Variants in PHACTR1 observed in about 807,000 individuals in gnomAD.
PHACTR1 encodes the protein phosphatase and actin regulator 1.
Under a neutral mutation model 69.2 loss-of-function variants are expected in PHACTR1, and 16 were observed. That is an observed-to-expected ratio of 0.23 (90% CI 0.16 to 0.35). The LOEUF (loss-of-function observed/expected upper bound fraction) is 0.35, where lower values mean the gene tolerates loss of function less well. Among genes scored for constraint, PHACTR1 ranks in the 10% least tolerant of loss-of-function variants. The probability of loss-of-function intolerance (pLI) is 1.00; values close to 1 mark genes in which losing one functional copy is unlikely to be tolerated. For synonymous variants in PHACTR1, 312 were observed against 284.5 expected, an observed-to-expected ratio of 1.10 and a Z score of -0.97; for missense variants, 510 against 734.7, an observed-to-expected ratio of 0.69 and a Z score of 3.54.
chr6:12,971,539 T>A (rs554171297), intron 4 of PHACTR1, among the ~76,000 whole-genome samples: 1 of 152,214 alleles, frequency 6.6e-6, no homozygotes, highest in Non-Finnish European at 1.5e-5. Context: ...TATGAGTCCA[T>A]GTATACGAAA....
At chr6:12,818,045 G>A (rs879229459) in intron 4 of PHACTR1, among the ~76,000 whole-genome samples, 7 of 152,104 alleles carry the variant, frequency 4.6e-5, no homozygotes, top group East Asian at 3.9e-4. Context: ...GGATGGTCTC[G>A]ATCTCCTGAC....
chr6:12,901,156 G>A (rs1411836139), intron 4 of PHACTR1, among the ~76,000 whole-genome samples: 1 of 152,174 alleles, frequency 6.6e-6, no homozygotes, highest in African/African-American at 2.4e-5. Flanking sequence ...CAAACCATGG[G>A]CTGATGGAGG....
chr6:12,773,476 C>T (rs1769646854), intron 4 of PHACTR1, among the ~76,000 whole-genome samples: 1 of 152,178 alleles, frequency 6.6e-6, no homozygotes, highest in South Asian at 2.1e-4. Flanking sequence ...CAATGTATCG[C>T]TTCCCTGAAG....
chr6:12,889,802 T>C (rs1343409670), intron 4 of PHACTR1, among the ~76,000 whole-genome samples: 1 of 150,396 alleles, frequency 6.6e-6, no homozygotes, highest in Non-Finnish European at 1.5e-5. Context: ...TCTTCCTTTT[T>C]TTTTTTTTTT....
chr6:13,225,088 C>T (rs1318784686), intron 8 of PHACTR1, among the ~76,000 whole-genome samples: 2 of 152,220 alleles, frequency 1.3e-5, no homozygotes. Context: ...AACTTCTATA[C>T]TCTCCTTTCT....
intron 4 of PHACTR1, among the ~76,000 whole-genome samples, chr6:12,761,643 C>T (rs571278187): frequency 2.6e-5 from 4 of 152,194 alleles, no homozygotes; most frequent in Non-Finnish European, 5.9e-5. Context: ...TGATTTGCCA[C>T]GTAGGCTGCT....
chr6:13,276,370 T>A (rs117333820), intron 11 of PHACTR1, among the ~76,000 whole-genome samples: 2 of 152,336 alleles, frequency 1.3e-5, no homozygotes, highest in East Asian at 3.9e-4. Flanking sequence ...GCTCTGACCT[T>A]ACACCACTTG....
chr6:13,144,293 T>C (rs1822950140), intron 5 of PHACTR1, among the ~76,000 whole-genome samples: 1 of 152,224 alleles, frequency 6.6e-6, no homozygotes, highest in African/African-American at 2.4e-5. Context: ...GACATAATTA[T>C]GTACCTACAA....
rs544171478 is a variant in PHACTR1, at chr6:13,040,159, A to T, written c.251-13206A>T. Among the ~76,000 whole-genome samples, 4 of 152,234 alleles carry T rather than the reference A, an allele frequency of 2.6e-5. 1 individual carries two copies. The East Asian group carries it at 7.7e-4, about 29-fold the overall frequency. Reference sequence around the variant, plus strand: ...ATGTATGTACACTAAATGCTTAACTATTTTTTGCCACATCAATACATCATA... The same window carrying T: ...ATGTATGTACACTAAATGCTTAACTTTTTTTTGCCACATCAATACATCATA... On this transcript the variant is annotated intron_variant, in intron 4 of 14. Coordinates refer to ENST00000332995, the MANE Select transcript of PHACTR1 (RefSeq NM_030948.6).
intron 4 of PHACTR1, among the ~76,000 whole-genome samples, chr6:12,901,432 TGGAGGAAA>T (rs1432465302): frequency 6.6e-6 from 1 of 151,922 alleles, no homozygotes; most frequent in Admixed American, 6.6e-5. Flanking sequence ...AAGGAAAGGT[TGGAGGAAA>T]GGAGGAAAGA....
At chr6:13,122,663 T>C (rs935220439) in intron 5 of PHACTR1, among the ~76,000 whole-genome samples, 5 of 152,268 alleles carry the variant, frequency 3.3e-5, no homozygotes, top group Non-Finnish European at 7.3e-5. Flanking sequence ...TTAAAATCTT[T>C]TGTATGTGTA....
At chr6:12,738,826 C>A (rs1764665016) in intron 3 of PHACTR1, among the ~76,000 whole-genome samples, 1 of 152,198 alleles carries the variant, frequency 6.6e-6, no homozygotes, top group South Asian at 2.1e-4. Flanking sequence ...GATCACGCCA[C>A]TGCACTCCAG....
intron 6 of PHACTR1, among the ~76,000 whole-genome samples, chr6:13,178,367 G>A (rs1004092226): frequency 6.6e-6 from 1 of 152,180 alleles, no homozygotes; most frequent in African/African-American, 2.4e-5. Context: ...TCATCAGGAC[G>A]AGGCACAATT....
rs558886921 is a variant in PHACTR1, at chr6:12,870,256, G to C, written c.250+120466G>C. 8.5e-5 allele frequency among the ~76,000 whole-genome samples: 13 copies of C among 152,296 alleles called. 1 individual carries two copies. In the East Asian group the frequency reaches 2.1e-3, roughly 25 times the overall value. On this transcript the variant is annotated intron_variant, in intron 4 of 14. Transcript: ENST00000332995. Reference sequence around the variant, plus strand: ...TGTAGGTGTAATTACACAGTGCTCTGTCATTCAAAGACATTCTTTGACACT... The same window carrying C: ...TGTAGGTGTAATTACACAGTGCTCTCTCATTCAAAGACATTCTTTGACACT...
At chr6:13,217,332 G>T (rs115828779) in intron 8 of PHACTR1, among the ~76,000 whole-genome samples, 2 of 152,236 alleles carry the variant, frequency 1.3e-5, no homozygotes, top group East Asian at 3.9e-4. Flanking sequence ...GCTGGGACTC[G>T]CACCATTCTG....
At chr6:12,957,102 T>TGGGGGGGGGGG (rs1582689554) in intron 4 of PHACTR1, among the ~76,000 whole-genome samples, 3 of 75,592 alleles carry the variant, frequency 4.0e-5, no homozygotes, top group Admixed American at 1.3e-4. Flanking sequence ...TGCTGGGGGG[T>TGGGGGGGGGGG]GGGGGAAAGG....
At chr6:13,031,786 A>G (rs928316360) in intron 4 of PHACTR1, among the ~76,000 whole-genome samples, 1 of 152,218 alleles carries the variant, frequency 6.6e-6, no homozygotes, top group African/African-American at 2.4e-5. Flanking sequence ...AAAAATTGCC[A>G]CTTTTCTTTT....
chr6:13,092,776 A>G (rs1428749799), intron 5 of PHACTR1, among the ~76,000 whole-genome samples: 1 of 152,020 alleles, frequency 6.6e-6, no homozygotes, highest in African/African-American at 2.4e-5. Context: ...GCAGAAGGGA[A>G]CTCTACCCAT....
intron 4 of PHACTR1, among the ~76,000 whole-genome samples, chr6:12,997,662 T>C (rs766219424): frequency 6.6e-6 from 1 of 152,168 alleles, no homozygotes; most frequent in Non-Finnish European, 1.5e-5. Context: ...TTTTGAAATA[T>C]ACAACACATT....
Sources: allele counts gnomAD v4.1 joint callset (sites outside exome capture counted in the v4.1 genomes callset), GRCh38; gene constraint gnomAD v4.1.1; transcripts MANE v1.5; gene names NCBI Gene and HGNC (gene_info 2026-07-23, HGNC 2026-07-21).